ZFX: variants seen among roughly 807,000 people sequenced by gnomAD.
The protein encoded by ZFX is zinc finger X-chromosomal protein.
For synonymous variants in ZFX, 196 were observed against 226.8 expected (o/e 0.86, Z 1.22); for missense variants, 362 against 628.3 (o/e 0.58, Z 4.53).
chrX:24,202,315 C>T (rs917166494), intron 5 of ZFX, among the ~76,000 whole-genome samples: 1 of 111,693 alleles, frequency 9.0e-6, no homozygotes, highest in South Asian at 3.7e-4. Flanking sequence ...TAATACTAAA[C>T]GGAAAAGTCC....
At chrX:24,171,195 G>A (rs2147494336) in intron 3 of ZFX, among the ~76,000 whole-genome samples, 1 of 111,528 alleles carries the variant, frequency 9.0e-6, no homozygotes, top group South Asian at 3.8e-4. Context: ...AAATTTCAGA[G>A]GGAAAAATTG....
chrX:24,177,629 A>G, intron 4 of ZFX: 1 of 688,374 alleles, frequency 1.5e-6, no homozygotes. Flanking sequence ...TTTCCTCCTC[A>G]ACTGTGGTCT....
intron 4 of ZFX, among the ~76,000 whole-genome samples, chrX:24,176,410 C>A (rs1601865349): frequency 1.0e-5 from 1 of 98,857 alleles, no homozygotes. Flanking sequence ...CCTATAATTT[C>A]TAATATTCTT....
intron 5 of ZFX, among the ~76,000 whole-genome samples, chrX:24,205,843 A>G (rs1569166098): frequency 2.7e-5 from 3 of 111,800 alleles, no homozygotes; most frequent in Non-Finnish European, 5.6e-5. Flanking sequence ...ACTCTGTTTC[A>G]AAATAAATAA....
chrX:24,200,036 C>T (rs1201271707), intron 5 of ZFX, among the ~76,000 whole-genome samples: 1 of 110,666 alleles, frequency 9.0e-6, no homozygotes, highest in Non-Finnish European at 1.9e-5. Context: ...GGTGCTCAAG[C>T]AGTGAAGGGC....
At chrX:24,189,340 T>G (rs889044061) in intron 5 of ZFX, among the ~76,000 whole-genome samples, 1 of 111,833 alleles carries the variant, frequency 8.9e-6, no homozygotes, top group Non-Finnish European at 1.9e-5. Context: ...TTTACAGGGT[T>G]GCTGCATACA....
rs1192890173 is a variant in ZFX, at chrX:24,179,646, C to T, written c.522C>T (p.Asp174=). The T allele has an allele frequency of 1.6e-5, 19 of 1,210,109 alleles. No individual in the cohort carries two copies. The highest frequency in any genetic ancestry group is 5.3e-5 in the South Asian group (3 of 56,866). The part of the protein sequence containing the change: ...AEIVTDPLTT[D]VVSEEVLVAD... ...TTGTCACTGATCCTCTGACTACCGA[C>T]GTAGTTTCAGAAGAAGTATTGGTAG... The change falls in exon 5 of 10, where the codon GAC becomes GAT. Residue 174 remains aspartate (D), a synonymous_variant. Transcript: ENST00000304543.
chrX:24,161,744 T>G (rs1933353566), intron 3 of ZFX: 1 of 105,273 alleles, frequency 9.5e-6, no homozygotes, highest in South Asian at 4.4e-4. Context: ...CAGGCTGGAA[T>G]GCAGTGCAGT....
upstream of ZFX, chrX:24,149,277 G>A (rs1220814582): frequency 1.8e-5 from 2 of 109,671 alleles, no homozygotes; most frequent in Admixed American, 9.5e-5. Context: ...GAGGCCCCCG[G>A]GGGGCGGCCG....
chrX:24,177,147 T>C (rs984049765), intron 4 of ZFX, among the ~76,000 whole-genome samples: 1 of 111,247 alleles, frequency 9.0e-6, no homozygotes, highest in Admixed American at 9.5e-5. Flanking sequence ...TTAGGCAGGA[T>C]GGTCTCGATC....
chrX:24,199,215 GT>G (rs924290231), intron 5 of ZFX, among the ~76,000 whole-genome samples: 1 of 110,791 alleles, frequency 9.0e-6, no homozygotes, highest in Non-Finnish European at 1.9e-5. Context: ...TTGATGAACA[GT>G]TTTGGTGAAG....
In ZFX at chrX:24,212,719, G is replaced by A. The variant is rs1213942644; in HGVS notation, c.*1343G>A. ...GGGTGCTAATTATGACTTCACACTC[G>A]GCAAGTTCAGGCTGATCTGTTATTT... On this transcript the variant is annotated 3_prime_UTR_variant, in exon 10 of 10. Coordinates refer to ENST00000304543, the MANE Select transcript of ZFX (RefSeq NM_003410.4). 1 of 111,775 alleles carries A rather than the reference G, an allele frequency of 8.9e-6. No individual in the cohort carries two copies. The highest frequency in any genetic ancestry group is 3.3e-5 in the African/African-American group (1 of 30,666). The allele number at this position is 111,775 out of a possible 1,213,427, so 9.2% of individuals were successfully genotyped here.
At chrX:24,165,815 G>T (rs778954564) in intron 3 of ZFX, among the ~76,000 whole-genome samples, 1 of 112,290 alleles carries the variant, frequency 8.9e-6, no homozygotes, top group Non-Finnish European at 1.9e-5. Context: ...TAGAGGAAAC[G>T]TGAATAGAAT....
At position 24,205,669 on chromosome X, in the gene ZFX, A is replaced by G. The variant is rs537137532; in HGVS notation, c.647-1657A>G. ...CAGGAATTTGAGACCAGCCTGACCA[A>G]CATGGCGAAACCTGTCTCTACTAAA... On this transcript the variant is annotated intron_variant, in intron 5 of 9. Coordinates refer to ENST00000304543, the MANE Select transcript of ZFX (RefSeq NM_003410.4). Among the ~76,000 whole-genome samples the G allele has an allele frequency of 1.4e-3, 152 of 111,424 alleles. 2 individuals carry two copies. The South Asian group carries it at 0.053, about 39-fold the overall frequency.
intron 3 of ZFX, among the ~76,000 whole-genome samples, chrX:24,156,868 A>T (rs1932825000): frequency 9.0e-6 from 1 of 110,618 alleles, no homozygotes; most frequent in Non-Finnish European, 1.9e-5. Context: ...GTTAGCCAGG[A>T]TGGTCTCGAT....
At chrX:24,184,063 A>G (rs1001286925) in intron 5 of ZFX, among the ~76,000 whole-genome samples, 1 of 112,039 alleles carries the variant, frequency 8.9e-6, no homozygotes, top group African/African-American at 3.2e-5. Flanking sequence ...GCCTGGCTGA[A>G]ACACAGATAA....
intron 3 of ZFX, among the ~76,000 whole-genome samples, chrX:24,165,773 C>CT (rs1933944058): frequency 1.8e-5 from 2 of 112,335 alleles, no homozygotes; most frequent in South Asian, 7.3e-4. Flanking sequence ...ACTGCTCGAA[C>CT]TAAGTCTGCA....
In ZFX at chrX:24,210,859, A is replaced by G. The variant is rs754820918; in HGVS notation, c.1901A>G (p.Gln634Arg). 21 of 1,211,801 alleles carry G rather than the reference A, an allele frequency of 1.7e-5. No homozygotes were observed. The highest frequency in any genetic ancestry group is 2.3e-5 in the Non-Finnish European group (21 of 895,498). The change falls in exon 10 of 10, where the codon CAG (glutamine) becomes CGG (arginine). Residue 634 changes from glutamine to arginine, a missense_variant. Transcript: ENST00000304543. ...ALIHQESKTH[Q>R]CLHCDHKSSN... is the part of the protein sequence containing the mutation. ...ATCCACCAAGAAAGCAAAACACACC[A>G]GTGTTTGCATTGCGACCACAAGAGT...
At chrX:24,157,662 A>G (rs1389991178) in intron 3 of ZFX, among the ~76,000 whole-genome samples, 1 of 112,584 alleles carries the variant, frequency 8.9e-6, no homozygotes, top group African/African-American at 3.2e-5. Context: ...TGCATCACCA[A>G]CACTCTTATT....
Sources: allele counts gnomAD v4.1 joint callset (sites outside exome capture counted in the v4.1 genomes callset), GRCh38; gene constraint gnomAD v4.1.1; transcripts MANE v1.5; gene names NCBI Gene and HGNC (gene_info 2026-07-23, HGNC 2026-07-21).